The following ARSJ variants were observed in gnomAD, a reference collection of about 807,000 sequenced individuals.
The protein encoded by ARSJ is arylsulfatase J.
A neutral mutation model predicts 35.9 loss-of-function variants in ARSJ; 26 were observed. The observed-to-expected ratio is 0.72, with a 90% CI of 0.53 to 1.00. ARSJ has a LOEUF of 1.00. Among genes scored for constraint, ARSJ ranks in the 50% least tolerant of loss-of-function variants. The probability of loss-of-function intolerance (pLI) is 0.00; values close to 1 mark genes in which losing one functional copy is unlikely to be tolerated. For synonymous variants in ARSJ, 294 were observed against 267.6 expected, an observed-to-expected ratio of 1.10 and a Z score of -0.96; for missense variants, 667 against 723.6, an observed-to-expected ratio of 0.92 and a Z score of 0.90.
intron 1 of ARSJ, among the ~76,000 whole-genome samples, chr4:113,928,115 C>T (rs1724194633): frequency 6.6e-6 from 1 of 152,118 alleles, no homozygotes; most frequent in Non-Finnish European, 1.5e-5. Context: ...ACTTGACATT[C>T]ATAAGCCCCT....
rs77691954 is a variant in ARSJ at position 113,974,915 on chromosome 4, C to T, written c.398+3522G>A. Reference sequence around the variant, plus strand: ...TATAATAACCCAACTATGAAAACAACCCAAATGTCTATTAACAGTAGAATG... The same window carrying T: ...TATAATAACCCAACTATGAAAACAATCCAAATGTCTATTAACAGTAGAATG... On this transcript the variant is annotated intron_variant, in intron 1 of 1. Coordinates refer to ENST00000315366, the MANE Select transcript of ARSJ (RefSeq NM_024590.4). 0.013 allele frequency among the ~76,000 whole-genome samples: 2,038 copies of T among 152,180 alleles called. 114 individuals are homozygous for T. In the East Asian group the frequency reaches 0.16, roughly 12 times the overall value.
intron 1 of ARSJ, among the ~76,000 whole-genome samples, chr4:113,934,645 A>G (rs1278955422): frequency 6.6e-6 from 1 of 151,774 alleles, no homozygotes; most frequent in Non-Finnish European, 1.5e-5. Context: ...GAATAATTTG[A>G]ATGTTCCTAT....
At position 113,903,261 on chromosome 4, in the gene ARSJ, TG is replaced by T. The variant is rs868405994; in HGVS notation, c.812del (p.Pro271HisfsTer18). On this transcript the variant is annotated frameshift_variant, in exon 2 of 2. Transcript: ENST00000315366. LOFTEE classifies it high-confidence loss of function. Reference protein sequence around the residue: ...LYIAYQAVHSPLQAPGRYFEH... With the variant: ...LYIAYQAVHSXLQAPGRYFEH... Reference sequence around the variant, plus strand: ...CGAAATACCTGCCAGGAGCTTGCAGTGGTGAATGAACAGCTTGATAGGCAAT... The same window carrying T: ...CGAAATACCTGCCAGGAGCTTGCAGTGTGAATGAACAGCTTGATAGGCAAT... 1 of 1,614,020 alleles carries T rather than the reference TG, an allele frequency of 6.2e-7. No individual in the cohort carries two copies. The highest frequency in any genetic ancestry group is 1.3e-5 in the African/African-American group (1 of 74,904).
intron 1 of ARSJ, among the ~76,000 whole-genome samples, chr4:113,945,892 A>T (rs1422227286): frequency 6.6e-6 from 1 of 152,080 alleles, no homozygotes; most frequent in Non-Finnish European, 1.5e-5. Context: ...TGAACCAACA[A>T]TCTTGGTTGT....
chr4:113,972,350 A>G (rs1727322991), intron 1 of ARSJ, among the ~76,000 whole-genome samples: 1 of 149,574 alleles, frequency 6.7e-6, no homozygotes, highest in Admixed American at 6.7e-5. Context: ...TATTTATTTA[A>G]GTCTTTACCA....
chr4:113,930,647 C>T (rs1266521018), intron 1 of ARSJ, among the ~76,000 whole-genome samples: 1 of 151,958 alleles, frequency 6.6e-6, no homozygotes, highest in East Asian at 1.9e-4. Context: ...AGTATAAATA[C>T]CATTTGACCC....
At chr4:113,946,230 G>A (rs763670062) in intron 1 of ARSJ, 11 of 151,578 alleles carry the variant, frequency 7.3e-5, no homozygotes, top group African/African-American at 1.7e-4. Context: ...TTGAACTGTC[G>A]ACACTAGGGG....
intron 1 of ARSJ, among the ~76,000 whole-genome samples, chr4:113,926,559 T>C (rs943401848): frequency 6.6e-6 from 1 of 151,816 alleles, no homozygotes; most frequent in Non-Finnish European, 1.5e-5. Context: ...CTGGGGGAGG[T>C]AGGAGGAAGG....
chr4:113,908,205 C>T (rs1056063804), intron 1 of ARSJ, among the ~76,000 whole-genome samples: 1 of 152,174 alleles, frequency 6.6e-6, no homozygotes, highest in Non-Finnish European at 1.5e-5. Flanking sequence ...ACTGGCAAAA[C>T]TTAAATGGGA....
rs955160379 is a variant in ARSJ at position 113,900,551 on chromosome 4, G to T, written c.*1723C>A. The T allele has an allele frequency of 1.3e-5, 2 of 151,886 alleles. No individual in the cohort carries two copies. Among genetic ancestry groups the T allele is most frequent in the African/African-American group, 4.8e-5 (2 of 41,348 alleles). 9.4% of individuals were successfully genotyped at this position (151,886 alleles called of 1,614,324 possible). On this transcript the variant is annotated 3_prime_UTR_variant, in exon 2 of 2. Transcript: ENST00000315366. The stretch of plus-strand genomic sequence containing the variant: ...AGTCCTTTGAGTTGTGATATAAATG[G>T]ATTATATCACAGTCCTTTGAGCTGT...
At chr4:113,962,499 T>C (rs1004085316) in intron 1 of ARSJ, among the ~76,000 whole-genome samples, 1 of 150,418 alleles carries the variant, frequency 6.6e-6, no homozygotes, top group South Asian at 2.1e-4. Context: ...TTTTTTTTTT[T>C]CTAATAGTTG....
At chr4:113,945,393 C>T (rs951807646) in intron 1 of ARSJ, among the ~76,000 whole-genome samples, 1 of 152,096 alleles carries the variant, frequency 6.6e-6, no homozygotes, top group Non-Finnish European at 1.5e-5. Flanking sequence ...CCACATCAGC[C>T]TCCTAAAGTG....
chr4:113,960,705 T>A (rs998426011), intron 1 of ARSJ, among the ~76,000 whole-genome samples: 2 of 152,118 alleles, frequency 1.3e-5, no homozygotes, highest in Non-Finnish European at 2.9e-5. Context: ...GATTGCCTTA[T>A]TAACATATTA....
chr4:113,938,767 C>A (rs1302399932), intron 1 of ARSJ, among the ~76,000 whole-genome samples: 1 of 151,834 alleles, frequency 6.6e-6, no homozygotes, highest in East Asian at 1.9e-4. Context: ...AGTAGGTGAA[C>A]AAACATTCCT....
chr4:113,904,651 A>AT (rs1295100329), intron 1 of ARSJ, among the ~76,000 whole-genome samples: 2 of 151,902 alleles, frequency 1.3e-5, no homozygotes, highest in South Asian at 2.1e-4. Context: ...CGCCCAGATA[A>AT]TTTTTTTGTA....
chr4:113,922,347 T>C (rs1723734824), intron 1 of ARSJ, among the ~76,000 whole-genome samples: 1 of 152,218 alleles, frequency 6.6e-6, no homozygotes, highest in Admixed American at 6.6e-5. Flanking sequence ...TTAATTTTCA[T>C]ATTTGATATG....
rs553019526 is a variant in ARSJ at position 113,936,652 on chromosome 4, G to A, written c.399-32977C>T. Among the ~76,000 whole-genome samples the A allele has an allele frequency of 2.1e-3, 318 of 151,898 alleles. 1 individual carries two copies. Among genetic ancestry groups the A allele is most frequent in the Middle Eastern group, 6.8e-3 (2 of 294 alleles). On this transcript the variant is annotated intron_variant, in intron 1 of 1. Coordinates refer to ENST00000315366, the MANE Select transcript of ARSJ (RefSeq NM_024590.4). ...TTAAAAATATTTTAAAAGGCAGCAT[G>A]CATCCCTGTCAAATCAGAATCAGAT...
chr4:113,909,480 C>T (rs895963919), intron 1 of ARSJ, among the ~76,000 whole-genome samples: 2 of 152,090 alleles, frequency 1.3e-5, no homozygotes, highest in African/African-American at 2.4e-5. Flanking sequence ...CCCCACATGT[C>T]GTGAGAGGGA....
Position 113,917,498 on chromosome 4 carries a change from C to T in ARSJ, c.399-13823G>A, listed in dbSNP as rs1279142545. On this transcript the variant is annotated intron_variant, in intron 1 of 1. Transcript: ENST00000315366. ...TTAGCTAAAAATTATATTCAGAAGC[C>T]ATATTAATGCAATTCTTATATGTCA... Among the ~76,000 whole-genome samples the T allele has an allele frequency of 2.0e-5, 3 of 151,884 alleles. No homozygotes were observed. In the East Asian group the frequency reaches 5.8e-4, roughly 29 times the overall value.
Sources: allele counts gnomAD v4.1 joint callset (sites outside exome capture counted in the v4.1 genomes callset), GRCh38; gene constraint gnomAD v4.1.1; transcripts MANE v1.5; gene names NCBI Gene and HGNC (gene_info 2026-07-23, HGNC 2026-07-21).